The following CDKN2C variants were observed in gnomAD, a reference collection of about 807,000 sequenced individuals.
CDKN2C encodes cyclin-dependent kinase 4 inhibitor C.
CDKN2C carries 5 observed loss-of-function variants against 11.0 expected under a neutral mutation model. The observed-to-expected ratio is 0.45, with a 90% CI of 0.24 to 0.95. CDKN2C has a LOEUF of 0.95. CDKN2C is among the 40% of genes least tolerant of loss of function. The pLI, the probability that CDKN2C is intolerant of heterozygous loss-of-function variation, is 0.21. For missense variants in CDKN2C, 161 were observed against 211.9 expected, an observed-to-expected ratio of 0.76 and a Z score of 1.49; for synonymous variants, 79 against 88.3, an observed-to-expected ratio of 0.89 and a Z score of 0.59.
upstream of CDKN2C, chr1:50,969,957 C>G (rs544690087): frequency 1.2e-5 from 3 of 255,050 alleles, no homozygotes; most frequent in Non-Finnish European, 2.3e-5. The surrounding 1 kb of genome is among the most constrained non-coding windows in gnomAD (Gnocchi z 6.6). Flanking sequence ...ATTTTCTGCC[C>G]CGATCTATAG....
Position 50,974,215 on chromosome 1 carries a change from A to G in CDKN2C, c.452A>G (p.Glu151Gly), listed in dbSNP as rs2147958669. 6.2e-7 allele frequency: 1 copy of G among 1,604,004 alleles called. No individual in the cohort carries two copies. The highest frequency in any genetic ancestry group is 8.5e-7 in the Non-Finnish European group (1 of 1,173,190). Residue 151 changes from glutamate to glycine, a missense_variant, in exon 2 of 2, where the codon GAG becomes GGG. Transcript: ENST00000371761. ...CDLARLYGRN[E>G]VVSLMQANGA... is the part of the protein sequence containing the mutation. ...TTGGCCAGGCTCTATGGGAGGAATG[A>G]GGTTGTTAGCCTGATGCAGGCAAAC...
chr1:50,970,255 TC>T lies in CDKN2C; in HGVS notation c.-111del. The T allele has an allele frequency of 7.6e-7, 1 of 1,316,024 alleles. No individual in the cohort carries two copies. The highest frequency in any genetic ancestry group is 1.1e-6 in the Non-Finnish European group (1 of 937,608). 81.5% of individuals were successfully genotyped at this position (1,316,024 alleles called of 1,614,324 possible). On this transcript the variant is annotated 5_prime_UTR_variant, in exon 1 of 2. Coordinates refer to ENST00000371761, the MANE Select transcript of CDKN2C (RefSeq NM_078626.3). The stretch of plus-strand genomic sequence containing the variant: ...ACCAAGCTCTACTCCAGATTAACCA[TC>T]CCAGTCCTTCTGTCAGTCTCCGATG...
chr1:50,973,513 C>T (rs371547285), intron 1 of CDKN2C, among the ~76,000 whole-genome samples: 3 of 152,204 alleles, frequency 2.0e-5, no homozygotes, highest in South Asian at 2.1e-4. Flanking sequence ...CAGAAGGAGA[C>T]TCTTATTTAA....
upstream of CDKN2C, chr1:50,968,553 G>C (rs536920830): frequency 6.6e-6 from 1 of 152,422 alleles, no homozygotes; most frequent in Non-Finnish European, 1.5e-5. Flanking sequence ...GAGACTTGAC[G>C]GGAGGAGGTG....
chr1:50,969,817 G>A, upstream of CDKN2C: 1 of 190,172 alleles, frequency 5.3e-6, no homozygotes, highest in East Asian at 8.9e-5. This position sits in a 1 kb window ranked among gnomAD's most constrained non-coding sequence, Gnocchi z 6.6. Context: ...TCCCTTCGGC[G>A]AGACGGATGG....
chr1:50,970,472 A>G lies in CDKN2C; in HGVS notation c.104A>G (p.Asn35Ser), dbSNP rs753867120. Residue 35 changes from asparagine to serine, a missense_variant, in exon 1 of 2, where the codon AAT becomes AGT. Transcript: ENST00000371761. The stretch of plus-strand genomic sequence containing the variant: ...AATAATGTAAACGTCAATGCACAAA[A>G]TGGATTTGGAAGGACTGCGCTGCAG... ...LQNNVNVNAQNGFGRTALQVM... is the reference protein window; with the variant it reads ...LQNNVNVNAQSGFGRTALQVM... 1 of 1,614,222 alleles carries G rather than the reference A, an allele frequency of 6.2e-7. No homozygotes were observed. The highest frequency in any genetic ancestry group is 8.5e-7 in the Non-Finnish European group (1 of 1,180,040).
At chr1:50,968,017 A>C (rs1195480163), upstream of CDKN2C, 3 of 152,236 alleles carry the variant, frequency 2.0e-5, no homozygotes, top group Non-Finnish European at 4.4e-5. Flanking sequence ...AGTTTTCATA[A>C]AATTCAGTCT....
upstream of CDKN2C, among the ~76,000 whole-genome samples, chr1:50,967,764 G>C (rs924871677): frequency 2.0e-5 from 3 of 152,136 alleles, no homozygotes; most frequent in South Asian, 2.1e-4. Flanking sequence ...GATTAGGAGA[G>C]AGACCATTCT....
intron 1 of CDKN2C, 36 bp from the exon 2 acceptor site, chr1:50,973,857 A>G (rs1419003885): frequency 6.2e-7 from 1 of 1,611,286 alleles, no homozygotes; most frequent in East Asian, 2.2e-5. Context: ...TAGCATATGC[A>G]CTTGAAGGAT....
chr1:50,966,408 T>A (rs929991806), upstream of CDKN2C, among the ~76,000 whole-genome samples: 3 of 152,212 alleles, frequency 2.0e-5, no homozygotes, highest in Non-Finnish European at 4.4e-5. Flanking sequence ...TGTTAATATT[T>A]AATATCTAAC....
Position 50,974,517 on chromosome 1 carries a change from T to C in CDKN2C, c.*247T>C, listed in dbSNP as rs1470590932. On this transcript the variant is annotated 3_prime_UTR_variant, in exon 2 of 2. Transcript: ENST00000371761. The stretch of plus-strand genomic sequence containing the variant: ...TGACTTTCTTCTGAATATTTTATCT[T>C]TCCTTGGCTTTTCCCTTGCTTCCCC... 1.1e-5 allele frequency: 4 copies of C among 377,376 alleles called. No homozygotes were observed. Among genetic ancestry groups the C allele is most frequent in the African/African-American group, 2.1e-5 (1 of 48,456 alleles). The allele number at this position is 377,376 out of a possible 1,614,324, so 23.4% of individuals were successfully genotyped here. A position where few individuals can be genotyped will look rare whatever the true frequency, so the allele number is the denominator to read the frequency against.
At chr1:50,961,739 C>T (rs1309977540) in intron 1 of CDKN2C, among the ~76,000 whole-genome samples, 1 of 152,194 alleles carries the variant, frequency 6.6e-6, no homozygotes, top group Non-Finnish European at 1.5e-5. Flanking sequence ...CACTATGTTG[C>T]CCAGGCTGGC....
At chr1:50,960,794 G>C (rs1374752352) in exon 1 of CDKN2C, 1 of 152,188 alleles carries the variant, frequency 6.6e-6, no homozygotes, top group African/African-American at 2.4e-5. Flanking sequence ...AGACGAGGAA[G>C]CTGAGAAAGG....
At chr1:50,968,640 G>A (rs906128009), upstream of CDKN2C, 1 of 152,110 alleles carries the variant, frequency 6.6e-6, no homozygotes, top group African/African-American at 2.4e-5. Flanking sequence ...GCGCCAGCAG[G>A]GCGGAGGGCG....
chr1:50,969,015 A>C (rs1467562890), upstream of CDKN2C: 1 of 153,024 alleles, frequency 6.5e-6, no homozygotes, highest in African/African-American at 2.4e-5. The surrounding 1 kb of genome is among the most constrained non-coding windows in gnomAD (Gnocchi z 6.6). Context: ...AGGAGGAAGC[A>C]GTGCTGCCAG....
intron 1 of CDKN2C, among the ~76,000 whole-genome samples, chr1:50,963,219 CTAAT>C (rs1215386435): frequency 6.6e-6 from 1 of 152,128 alleles, no homozygotes; most frequent in East Asian, 1.9e-4. Flanking sequence ...ATTTTTTTCT[CTAAT>C]TGTTTTCATA....
intron 1 of CDKN2C, among the ~76,000 whole-genome samples, chr1:50,971,101 C>T (rs2147956901): frequency 6.6e-6 from 1 of 152,332 alleles, no homozygotes. Flanking sequence ...CTAATCAGAG[C>T]TCAGCTGCAG....
intron 1 of CDKN2C, among the ~76,000 whole-genome samples, 176 bp from the exon 2 acceptor site, chr1:50,973,717 C>A (rs1053711152): frequency 1.3e-5 from 2 of 152,200 alleles, no homozygotes; most frequent in African/African-American, 4.8e-5. Context: ...TTGTCTTCTA[C>A]TTTCACCTAC....
intron 1 of CDKN2C, among the ~76,000 whole-genome samples, chr1:50,973,067 A>G (rs566597097): frequency 5.3e-5 from 8 of 152,304 alleles, no homozygotes; most frequent in African/African-American, 1.9e-4. Context: ...TTGTCCTACA[A>G]TAATTTCCTA....
Sources: gnomAD v4.1 joint callset for allele counts (sites outside exome capture counted in the v4.1 genomes callset) on GRCh38, gnomAD v4.1.1 for gene constraint, Gnocchi (gnomAD v3.1) non-coding constraint, MANE v1.5 for transcripts, NCBI Gene and HGNC (gene_info 2026-07-23, HGNC 2026-07-21) for gene names.